Variants in KDM5D observed in about 807,000 individuals in gnomAD.
KDM5D encodes the protein lysine demethylase 5D.
KDM5D carries 25 observed loss-of-function variants against 31.9 expected under a neutral mutation model. That is an observed-to-expected ratio of 0.78 (90% CI 0.57 to 1.09). The LOEUF (loss-of-function observed/expected upper bound fraction) is 1.09, where lower values mean the gene tolerates loss of function less well. Ranked by LOEUF, KDM5D falls within the 50% of genes least tolerant of loss-of-function variation. KDM5D has a pLI of 0.00. For missense variants in KDM5D, 366 were observed against 341.6 expected, an observed-to-expected ratio of 1.07 and a Z score of -0.56; for synonymous variants, 146 against 122.3, an observed-to-expected ratio of 1.19 and a Z score of -1.28.
At chrY:19,741,004 T>C (rs2045545842) in intron 5 of KDM5D, among the ~76,000 whole-genome samples, 1 of 33,407 alleles carries the variant, frequency 3.0e-5, no homozygotes. Flanking sequence ...ATCTTTTTCA[T>C]GTAAGATACT....
Position 19,744,676 on chromosome Y carries a change from G to A in KDM5D, c.-25C>T. On this transcript the variant is annotated 5_prime_UTR_variant, in exon 1 of 27. The change creates a new upstream start codon in the 5' untranslated region. Coordinates refer to ENST00000317961, the MANE Select transcript of KDM5D (RefSeq NM_004653.5). The stretch of plus-strand genomic sequence containing the variant: ...TTAATCCCGTAGCTGCTTACCAATC[G>A]TCAGGGATCCTAGTTTTACAGCCAC... The A allele has an allele frequency of 6.6e-6, 1 of 152,572 alleles. No homozygotes were observed. Among genetic ancestry groups the A allele is most frequent in the Non-Finnish European group, 1.2e-5 (1 of 84,198 alleles). The allele number at this position is 152,572 out of a possible 400,897, so 38.1% of individuals were successfully genotyped here. A position where few individuals can be genotyped will look rare whatever the true frequency, so the allele number is the denominator to read the frequency against.
intron 11 of KDM5D, among the ~76,000 whole-genome samples, chrY:19,726,358 T>G (rs765775074): frequency 5.9e-5 from 2 of 33,997 alleles, no homozygotes; most frequent in African/African-American, 2.3e-4. Context: ...CATGGAATAC[T>G]TTGCAATCAT....
chrY:19,741,722 A>G lies in KDM5D; in HGVS notation c.351+13T>C. 2.6e-6 allele frequency: 1 copy of G among 390,542 alleles called. No homozygotes were observed. ...GCTTTTTGTTTTTCCTTTAGAAAGT[A>G]GACTACTCTTACCTTACTAAGGCTG... On this transcript the variant is annotated intron_variant, in intron 4 of 26. Coordinates refer to ENST00000317961, the MANE Select transcript of KDM5D (RefSeq NM_004653.5).
At position 19,744,497 on chromosome Y, in the gene KDM5D, T is replaced by G; in HGVS notation, c.38A>C (p.Glu13Ala). ...PGCDEFLPPPECPVFEPSWAE... is the reference protein window; with the variant it reads ...PGCDEFLPPPACPVFEPSWAE... ...CCAGCTAGGCTCAAAAACCGGGCAC[T>G]CCGGTGGCGGCAGGAACTCGTCACA... Residue 13 changes from glutamate to alanine, a missense_variant, in exon 2 of 27, where the codon GAG (glutamate) becomes GCG (alanine). Transcript: ENST00000317961. 1 of 394,414 alleles carries G rather than the reference T, an allele frequency of 2.5e-6. No individual in the cohort carries two copies. The highest frequency in any genetic ancestry group is 6.5e-5 in the African/African-American group (1 of 15,410).
chrY:19,743,459 G>A (rs2045572335), intron 2 of KDM5D, among the ~76,000 whole-genome samples: 1 of 21,844 alleles, frequency 4.6e-5, no homozygotes, highest in Non-Finnish European at 1.0e-4. Context: ...TGTGTCCTTC[G>A]TAACAGACGA....
chrY:19,723,509 C>T, intron 11 of KDM5D: 1 of 81,024 alleles, frequency 1.2e-5, no homozygotes, highest in South Asian at 8.8e-5. Context: ...GTAAAAATTT[C>T]TTATTTTATA....
Position 19,744,388 on chromosome Y carries a change from G to A in KDM5D, c.147C>T (p.Pro49=), listed in dbSNP as rs781592931. 5.1e-6 allele frequency: 2 copies of A among 388,866 alleles called. No homozygotes were observed. Among genetic ancestry groups the A allele is most frequent in the Admixed American group, 7.9e-5 (1 of 12,621 alleles). Residue 49 remains proline, a synonymous_variant, in exon 2 of 27, where the codon CCC becomes CCT. Transcript: ENST00000317961. ...EKSGICKIRP[P]ADWQPPFAVE... ...AAATTTTGTTTCAAAGACTTACCGC[G>A]GGTGGGCGGATTTTGCAGATGCCAG...
At chrY:19,713,028 C>A (rs1603545760) in intron 18 of KDM5D, among the ~76,000 whole-genome samples, 1 of 33,684 alleles carries the variant, frequency 3.0e-5, no homozygotes, top group East Asian at 7.7e-4. Context: ...TACCTACAAC[C>A]ATCTGATCTT....
chrY:19,716,923 A>T (rs2032628), intron 13 of KDM5D, among the ~76,000 whole-genome samples: 249 of 33,533 alleles, frequency 7.4e-3, no homozygotes, highest in Middle Eastern at 0.027. Context: ...TCAAAAAACA[A>T]ATATAGAGGG....
At position 19,744,392 on chromosome Y, in the gene KDM5D, G is replaced by A; in HGVS notation, c.143C>T (p.Pro48Leu). 5.1e-6 allele frequency: 2 copies of A among 389,564 alleles called. No homozygotes were observed. Among genetic ancestry groups the A allele is most frequent in the African/African-American group, 6.2e-5 (1 of 16,020 alleles). ...TTTGTTTCAAAGACTTACCGCGGGT[G>A]GGCGGATTTTGCAGATGCCAGACTT... ...AEKSGICKIR[P>L]PADWQPPFAV... Residue 48 changes from proline (P) to leucine (L), a missense_variant, in exon 2 of 27, where the codon CCA (proline) becomes CTA (leucine). By Grantham distance (98) the Pro-to-Leu change is moderately conservative (BLOSUM62 -3). Coordinates refer to ENST00000317961, the MANE Select transcript of KDM5D (RefSeq NM_004653.5).
chrY:19,710,187 A>C (rs2045285961), intron 19 of KDM5D, 189 bp downstream of exon 19: 1 of 368,956 alleles, frequency 2.7e-6, no homozygotes, highest in African/African-American at 6.7e-5. Flanking sequence ...TCAGTCTGGA[A>C]GGATATTTCC....
intron 6 of KDM5D, among the ~76,000 whole-genome samples, 180 bp from the exon 7 acceptor site, chrY:19,735,930 G>C: frequency 3.0e-5 from 1 of 33,306 alleles, no homozygotes; most frequent in Non-Finnish European, 7.4e-5. Flanking sequence ...GGAGCAAATG[G>C]ATAAATTTGG....
intron 13 of KDM5D, among the ~76,000 whole-genome samples, chrY:19,719,305 C>T: frequency 3.0e-5 from 1 of 33,815 alleles, no homozygotes; most frequent in Non-Finnish European, 7.3e-5. Context: ...ACACAAAGGA[C>T]TAATGGGTAT....
chrY:19,728,941 G>A (rs2045453361), intron 11 of KDM5D, among the ~76,000 whole-genome samples: 1 of 32,373 alleles, frequency 3.1e-5, no homozygotes, highest in African/African-American at 1.2e-4. Flanking sequence ...GCCGGGTACC[G>A]TGGCTCACGC....
intron 18 of KDM5D, among the ~76,000 whole-genome samples, chrY:19,713,485 G>A (rs763207519): frequency 3.0e-5 from 1 of 33,649 alleles, no homozygotes; most frequent in East Asian, 7.9e-4. Flanking sequence ...AGTGGGCAAA[G>A]GACATAAACA....
chrY:19,744,522 A>G lies in KDM5D; in HGVS notation c.13T>C (p.Cys5Arg). Residue 5 changes from cysteine (C) to arginine (R), a missense_variant, in exon 2 of 27, where the codon TGT becomes CGT. By Grantham distance (180) the Cys-to-Arg change is radical. Coordinates refer to ENST00000317961, the MANE Select transcript of KDM5D (RefSeq NM_004653.5). ...TCCGGTGGCGGCAGGAACTCGTCACACCCCGGTTCCATGTCGGGCCTTAAT... is the reference window on the plus strand; with the variant it reads ...TCCGGTGGCGGCAGGAACTCGTCACGCCCCGGTTCCATGTCGGGCCTTAAT... MEPG[C>R]DEFLPPPECP... The G allele has an allele frequency of 2.5e-6, 1 of 395,298 alleles. No homozygotes were observed. The highest frequency in any genetic ancestry group is 3.6e-6 in the Non-Finnish European group (1 of 281,227).
chrY:19,741,926 G>A, intron 3 of KDM5D, 69 bp from the exon 4 acceptor site: 1 of 256,152 alleles, frequency 3.9e-6, no homozygotes, highest in Non-Finnish European at 5.9e-6. Context: ...TGCAGTAAAT[G>A]AACAAGTATT....
Position 19,720,877 on chromosome Y carries a change from C to T in KDM5D, c.1711G>A (p.Val571Met). ...TTTTGATCCTTGGTACTTACTGGCA[C>T]ACCATGGGACATCAAAGTGTTGGGA... is the stretch of plus-strand genomic sequence containing the variant. ...MNPNTLMSHG[V>M]PVVRTNQCAG... The change falls in exon 13 of 27, where the codon GTG (valine) becomes ATG (methionine). Residue 571 changes from valine (V) to methionine (M), a missense_variant. By Grantham distance (21) the Val-to-Met change is conservative. Transcript: ENST00000317961. The T allele has an allele frequency of 2.5e-6, 1 of 397,268 alleles. No individual in the cohort carries two copies. Among genetic ancestry groups the T allele is most frequent in the Non-Finnish European group, 3.5e-6 (1 of 282,158 alleles).
chrY:19,729,560 G>C (rs2045458081), intron 11 of KDM5D, among the ~76,000 whole-genome samples: 1 of 33,588 alleles, frequency 3.0e-5, no homozygotes, highest in Non-Finnish European at 7.4e-5. Context: ...GCAGTATAGA[G>C]ACCAAAGTAT....
Sources: gnomAD v4.1 joint callset for allele counts (sites outside exome capture counted in the v4.1 genomes callset) on GRCh38, gnomAD v4.1.1 for gene constraint, MANE v1.5 for transcripts, NCBI Gene and HGNC (gene_info 2026-07-23, HGNC 2026-07-21) for gene names.